Variants in LRTM3 observed in about 807,000 individuals in gnomAD.
The protein encoded by LRTM3 is leucine-rich repeat transmembrane protein 3.
At chr13:102,746,248 C>T in the LRTM3 span, 2 of 1,550,806 alleles carry the variant, frequency 1.3e-6, no homozygotes, top group African/African-American at 2.7e-5. Flanking sequence ...CCGCCTCAGA[C>T]CCCAGGTGCT....
the LRTM3 span, chr13:102,746,120 T>A: frequency 6.4e-7 from 1 of 1,551,182 alleles, no homozygotes; most frequent in Non-Finnish European, 8.7e-7. Flanking sequence ...GAGACTAGTC[T>A]CTAAAGTAGT....
chr13:102,737,507 C>A, the LRTM3 span: 5 of 1,550,498 alleles, frequency 3.2e-6, no homozygotes, highest in Non-Finnish European at 4.4e-6. Flanking sequence ...ATCCCTGTTC[C>A]CTTGCTCCTC....
the LRTM3 span, chr13:102,746,101 A>T: frequency 1.6e-5 from 25 of 1,551,026 alleles, no homozygotes; most frequent in Non-Finnish European, 2.2e-5. Flanking sequence ...CTTCTAAAGG[A>T]CCCATTTGGA....
chr13:102,746,419 G>A, the LRTM3 span: 2 of 1,551,046 alleles, frequency 1.3e-6, no homozygotes, highest in African/African-American at 2.7e-5. Flanking sequence ...CAGGGAGACA[G>A]AACTCTCTCT....
At chr13:102,742,709 C>A in the LRTM3 span, 21 of 1,550,724 alleles carry the variant, frequency 1.4e-5, no homozygotes, top group Non-Finnish European at 1.8e-5. Flanking sequence ...CAAAGGTCTA[C>A]CTTGGGGACT....
the LRTM3 span, chr13:102,731,951 T>G: frequency 6.4e-7 from 1 of 1,551,220 alleles, no homozygotes; most frequent in Admixed American, 2.0e-5. Flanking sequence ...GACATCATGC[T>G]CTGGAACAAT....
At chr13:102,746,961 T>C in the LRTM3 span, 4 of 1,551,116 alleles carry the variant, frequency 2.6e-6, no homozygotes, top group African/African-American at 5.5e-5. Context: ...GACTCAATAA[T>C]AGTTTCTGTG....
chr13:102,729,700 A>G, the LRTM3 span: 2 of 1,551,966 alleles, frequency 1.3e-6, no homozygotes, highest in East Asian at 4.9e-5. Flanking sequence ...TATCGTCATG[A>G]TGAGGTTTTG....
At chr13:102,730,359 C>T in the LRTM3 span, 1 of 1,551,002 alleles carries the variant, frequency 6.4e-7, no homozygotes, top group Admixed American at 2.0e-5. Context: ...TCGTCCAAGT[C>T]AGCTGGACTC....
At chr13:102,745,281 T>C in the LRTM3 span, 1 of 1,550,796 alleles carries the variant, frequency 6.4e-7, no homozygotes, top group Non-Finnish European at 8.7e-7. Flanking sequence ...AGGGTTTCTT[T>C]AATGTCACGT....
chr13:102,741,254 T>C, the LRTM3 span: 44 of 1,550,258 alleles, frequency 2.8e-5, no homozygotes, highest in Middle Eastern at 1.7e-4. Context: ...AAGATTTTCA[T>C]TGAAACTTTC....
the LRTM3 span, among the ~76,000 whole-genome samples, chr13:102,756,310 C>T: frequency 4.1e-5 from 3 of 73,428 alleles, no homozygotes; most frequent in Non-Finnish European, 9.7e-5. Flanking sequence ...ATCCTTAGTT[C>T]GAAAAAAAAA....
chr13:102,745,680 C>T, the LRTM3 span: 4 of 1,551,038 alleles, frequency 2.6e-6, no homozygotes, highest in East Asian at 9.8e-5. Flanking sequence ...ATCGCTGTCT[C>T]TTTCTTTTCA....
chr13:102,739,403 G>A, the LRTM3 span: 7 of 1,550,134 alleles, frequency 4.5e-6, no homozygotes, highest in African/African-American at 9.6e-5. Context: ...TACTCTTCTG[G>A]CATTTGATGA....
chr13:102,730,836 T>G, the LRTM3 span: 1 of 1,551,500 alleles, frequency 6.4e-7, no homozygotes, highest in Non-Finnish European at 8.7e-7. Context: ...CGAAGGTATT[T>G]GTATTGTAAA....
the LRTM3 span, chr13:102,748,607 G>A: frequency 6.4e-7 from 1 of 1,550,760 alleles, no homozygotes; most frequent in Non-Finnish European, 8.7e-7. Flanking sequence ...TTTCTGCATA[G>A]GTTTTGATAT....
chr13:102,752,495 C>T, the LRTM3 span, among the ~76,000 whole-genome samples: 1 of 152,190 alleles, frequency 6.6e-6, no homozygotes, highest in South Asian at 2.1e-4. Flanking sequence ...AAAACACCAT[C>T]ATTCTTCAGT....
chr13:102,744,065 T>C, the LRTM3 span: 6 of 1,550,510 alleles, frequency 3.9e-6, no homozygotes, highest in South Asian at 2.4e-5. Flanking sequence ...ACTCTTAGCA[T>C]ATTCAGTGGC....
At chr13:102,744,612 C>T in the LRTM3 span, 4 of 1,550,624 alleles carry the variant, frequency 2.6e-6, no homozygotes, top group South Asian at 4.8e-5. Context: ...CAAGATCTGC[C>T]TTCGGGACTC....
Sources: allele counts gnomAD v4.1 joint callset (sites outside exome capture counted in the v4.1 genomes callset), GRCh38; gene constraint gnomAD v4.1.1; transcripts MANE v1.5; gene names NCBI Gene and HGNC (gene_info 2026-07-23, HGNC 2026-07-21).